CREB5: variants seen among roughly 807,000 people sequenced by gnomAD.
CREB5 encodes cyclic AMP-responsive element-binding protein 5.
A neutral mutation model predicts 57.1 loss-of-function variants in CREB5; 19 were observed. That is an observed-to-expected ratio of 0.33 (90% CI 0.23 to 0.49). The LOEUF (loss-of-function observed/expected upper bound fraction) is 0.49. Among genes scored for constraint, CREB5 ranks in the 20% least tolerant of loss-of-function variants. The pLI is 0.99. For missense variants in CREB5, 579 were observed against 671.6 expected, an observed-to-expected ratio of 0.86 and a Z score of 1.52; for synonymous variants, 238 against 238.3, an observed-to-expected ratio of 1.00 and a Z score of 0.01.
At chr7:28,676,060 G>T (rs1800306857) in intron 5 of CREB5, among the ~76,000 whole-genome samples, 1 of 152,070 alleles carries the variant, frequency 6.6e-6, no homozygotes, top group African/African-American at 2.4e-5. Flanking sequence ...TCAACACAAA[G>T]CTCCTCTGAG....
At chr7:28,562,826 A>G (rs1392023997) in intron 4 of CREB5, among the ~76,000 whole-genome samples, 3 of 152,246 alleles carry the variant, frequency 2.0e-5, no homozygotes, top group Non-Finnish European at 4.4e-5. Context: ...ACCACATACC[A>G]ATATTAATTA....
intron 1 of CREB5, among the ~76,000 whole-genome samples, chr7:28,389,730 G>A (rs556590072): frequency 2.6e-5 from 4 of 151,932 alleles, no homozygotes; most frequent in East Asian, 3.9e-4. Context: ...AACTCTAAGC[G>A]GACTAGTAAC....
intron 7 of CREB5, among the ~76,000 whole-genome samples, chr7:28,736,824 C>CTTT (rs35313065): frequency 2.2e-5 from 3 of 134,832 alleles, no homozygotes; most frequent in Non-Finnish European, 3.1e-5. Flanking sequence ...CTCTCTCTCT[C>CTTT]TTTTTTTTTT....
At chr7:28,530,484 A>ATT (rs1793676378) in intron 4 of CREB5, among the ~76,000 whole-genome samples, 1 of 152,180 alleles carries the variant, frequency 6.6e-6, no homozygotes, top group East Asian at 1.9e-4. Flanking sequence ...TGTGACTGAA[A>ATT]AGCTGAAAAA....
intron 5 of CREB5, among the ~76,000 whole-genome samples, chr7:28,647,358 T>C (rs1161263273): frequency 6.6e-6 from 1 of 152,008 alleles, no homozygotes; most frequent in African/African-American, 2.4e-5. Context: ...TGCTAAGACC[T>C]TATTCAACAG....
intron 6 of CREB5, 25 bp from the exon 7 acceptor site, chr7:28,724,197 A>T: frequency 6.2e-7 from 1 of 1,600,012 alleles, no homozygotes; most frequent in Non-Finnish European, 8.5e-7. Context: ...GCAGACTTCT[A>T]ATTCTTTTCT....
At chr7:28,488,856 G>C (rs1374416422) in intron 2 of CREB5, among the ~76,000 whole-genome samples, 1 of 152,184 alleles carries the variant, frequency 6.6e-6, no homozygotes, top group East Asian at 1.9e-4. Context: ...CTGGTAGAGT[G>C]TTTAACATAG....
intron 3 of CREB5, among the ~76,000 whole-genome samples, chr7:28,501,778 T>A (rs914710149): frequency 6.6e-6 from 1 of 152,172 alleles, no homozygotes; most frequent in Non-Finnish European, 1.5e-5. Context: ...TTGGAACACT[T>A]GGGGTAGCTC....
intron 1 of CREB5, among the ~76,000 whole-genome samples, chr7:28,461,040 A>G (rs1174101315): frequency 6.6e-6 from 1 of 151,932 alleles, no homozygotes; most frequent in Non-Finnish European, 1.5e-5. Flanking sequence ...CAACAACACA[A>G]ACAAAAAAAA....
At chr7:28,716,421 C>T (rs1354214428) in intron 5 of CREB5, among the ~76,000 whole-genome samples, 1 of 152,134 alleles carries the variant, frequency 6.6e-6, no homozygotes, top group Non-Finnish European at 1.5e-5. Context: ...AAACATTCCC[C>T]TCTGGTGACT....
intron 1 of CREB5, among the ~76,000 whole-genome samples, chr7:28,474,657 C>A (rs1215544736): frequency 2.0e-5 from 3 of 152,112 alleles, no homozygotes; most frequent in African/African-American, 4.8e-5. Flanking sequence ...AGGCATCTTC[C>A]AAACATTAAC....
intron 5 of CREB5, among the ~76,000 whole-genome samples, chr7:28,620,407 T>C (rs1583430624): frequency 6.6e-6 from 1 of 152,162 alleles, no homozygotes; most frequent in East Asian, 1.9e-4. Flanking sequence ...AATTCTGTGA[T>C]TAAAGAATCA....
intron 1 of CREB5, among the ~76,000 whole-genome samples, chr7:28,302,482 G>T (rs930413814): frequency 6.6e-6 from 1 of 152,176 alleles, no homozygotes; most frequent in African/African-American, 2.4e-5. Context: ...TAAATTGCAG[G>T]ATTTTAATAT....
At position 28,459,183 on chromosome 7, in the gene CREB5, C is replaced by T. The variant is rs369141504; in HGVS notation, c.4-28992C>T. On this transcript the variant is annotated intron_variant, in intron 1 of 10. Coordinates refer to ENST00000357727, the MANE Select transcript of CREB5 (RefSeq NM_182898.4). ...CAACCTGAGTGGTTTGTGGTGGTCA[C>T]GCTCCTGTGTGTGTGTGCGGGGGAG... Among the ~76,000 whole-genome samples, 7 of 152,260 alleles carry T rather than the reference C, an allele frequency of 4.6e-5. No homozygotes were observed. The South Asian group carries it at 1.0e-3, about 23-fold the overall frequency.
intron 1 of CREB5, among the ~76,000 whole-genome samples, chr7:28,302,842 T>G (rs1489875654): frequency 1.3e-5 from 2 of 152,154 alleles, no homozygotes; most frequent in Admixed American, 6.5e-5. Context: ...ATTACATAAA[T>G]CACCTCTTGT....
intron 1 of CREB5, among the ~76,000 whole-genome samples, chr7:28,300,748 CT>C (rs1447538381): frequency 6.6e-6 from 1 of 152,174 alleles, no homozygotes; most frequent in Non-Finnish European, 1.5e-5. Flanking sequence ...ATAGACTCAT[CT>C]TTCTGTAGGA....
chr7:28,688,718 G>A (rs1801081015), intron 5 of CREB5, among the ~76,000 whole-genome samples: 2 of 152,150 alleles, frequency 1.3e-5, no homozygotes, highest in Admixed American at 6.5e-5. Flanking sequence ...GCACAGGGAA[G>A]GACCTTAACT....
chr7:28,567,771 G>A (rs1281125745), intron 4 of CREB5, among the ~76,000 whole-genome samples: 1 of 152,194 alleles, frequency 6.6e-6, no homozygotes, highest in Non-Finnish European at 1.5e-5. Context: ...TAGTACGAGG[G>A]TAGGAAATAT....
intron 1 of CREB5, among the ~76,000 whole-genome samples, chr7:28,455,300 G>A (rs1790044142): frequency 6.6e-6 from 1 of 152,130 alleles, no homozygotes; most frequent in African/African-American, 2.4e-5. Context: ...CCTACCTGTT[G>A]GAGGAATCAG....
Sources: allele counts gnomAD v4.1 joint callset (sites outside exome capture counted in the v4.1 genomes callset), GRCh38; gene constraint gnomAD v4.1.1; transcripts MANE v1.5; gene names NCBI Gene and HGNC (gene_info 2026-07-23, HGNC 2026-07-21).